SLC30A6: variants seen among roughly 807,000 people sequenced by gnomAD.
SLC30A6 encodes the protein solute carrier family 30 member 6.
A neutral mutation model predicts 63.0 loss-of-function variants in SLC30A6; 55 were observed. The observed-to-expected ratio is 0.87, with a 90% confidence interval of 0.70 to 1.09. SLC30A6 has a LOEUF of 1.09. Among genes scored for constraint, SLC30A6 ranks in the 50% least tolerant of loss-of-function variants. SLC30A6 has a pLI of 0.00. For missense variants in SLC30A6, 587 were observed against 549.2 expected (o/e 1.07, Z -0.69); for synonymous variants, 224 against 186.1 (o/e 1.20, Z -1.66).
At chr2:32,200,153 C>T (rs1684158585) in intron 10 of SLC30A6, among the ~76,000 whole-genome samples, 1 of 151,478 alleles carries the variant, frequency 6.6e-6, no homozygotes, top group Non-Finnish European at 1.5e-5. Context: ...TTATTTGTCC[C>T]CTCTTTCCCA....
intron 13 of SLC30A6, 88 bp from the exon 14 acceptor site, chr2:32,220,124 AC>A (rs1686040039): frequency 2.1e-6 from 3 of 1,432,776 alleles, no homozygotes; most frequent in Non-Finnish European, 2.8e-6. Flanking sequence ...CCAGGAACTT[AC>A]CAAATCATAA....
intron 13 of SLC30A6, among the ~76,000 whole-genome samples, chr2:32,209,948 A>C (rs947376011): frequency 3.3e-5 from 5 of 152,244 alleles, no homozygotes; most frequent in Non-Finnish European, 7.3e-5. Context: ...TTAAAAGTGC[A>C]ATTGCTTTCT....
At chr2:32,198,540 C>G (rs1288662177) in intron 10 of SLC30A6, among the ~76,000 whole-genome samples, 1 of 152,150 alleles carries the variant, frequency 6.6e-6, no homozygotes, top group Admixed American at 6.5e-5. Flanking sequence ...GTCATTTATG[C>G]CAATGCATTC....
chr2:32,183,409 G>A lies in SLC30A6; in HGVS notation c.219-864G>A, dbSNP rs560027705. ...TAAGGATGGCTTTTCGGCCAGGCGC[G>A]GTGGCTCACGCCTGTAATCCCAGCA... On this transcript the variant is annotated intron_variant, in intron 4 of 13. Transcript: ENST00000282587. Among the ~76,000 whole-genome samples the A allele has an allele frequency of 4.6e-5, 7 of 151,954 alleles. No homozygotes were observed. The East Asian group carries it at 7.7e-4, about 17-fold the overall frequency.
chr2:32,215,342 G>A (rs565202964), intron 13 of SLC30A6, among the ~76,000 whole-genome samples: 12 of 151,588 alleles, frequency 7.9e-5, no homozygotes, highest in African/African-American at 2.2e-4. Context: ...CTATAGGCGC[G>A]CACCACCACG....
chr2:32,170,224 CTG>C (rs1219830145), intron 1 of SLC30A6, among the ~76,000 whole-genome samples: 1 of 152,094 alleles, frequency 6.6e-6, no homozygotes, highest in Non-Finnish European at 1.5e-5. Context: ...CTCTATAAAT[CTG>C]TATTTTATTT....
chr2:32,197,317 G>C (rs1326739399), intron 8 of SLC30A6, 27 bp from the exon 9 acceptor site: 2 of 1,586,900 alleles, frequency 1.3e-6, no homozygotes, highest in Admixed American at 1.8e-5. Context: ...CTTCTATATA[G>C]ATAATTTAAG....
Position 32,206,828 on chromosome 2 carries a change from T to C in SLC30A6, c.769-58T>C, listed in dbSNP as rs977126368. ...CTTTTGGGGAGGGGGTTCAGGACCA[T>C]TGTTGGCAAACTTTTTTCCTTCCCC... On this transcript the variant is annotated intron_variant, in intron 11 of 13. Coordinates refer to ENST00000282587, the MANE Select transcript of SLC30A6 (RefSeq NM_017964.5). 17 of 1,392,320 alleles carry C rather than the reference T, an allele frequency of 1.2e-5. No homozygotes were observed. In the Admixed American group the frequency reaches 1.3e-4, roughly 11 times the overall value. The allele number at this position is 1,392,320 out of a possible 1,614,324, so 86.2% of individuals were successfully genotyped here. A position where few individuals can be genotyped will look rare whatever the true frequency, so the allele number is the denominator to read the frequency against.
intron 10 of SLC30A6, 48 bp downstream of exon 10, chr2:32,197,874 T>G (rs746574767): frequency 1.2e-6 from 2 of 1,605,886 alleles, no homozygotes; most frequent in South Asian, 2.2e-5. Flanking sequence ...TCTGGGGACT[T>G]ACTTTTAAGG....
intron 5 of SLC30A6, among the ~76,000 whole-genome samples, chr2:32,187,554 G>A (rs919132358): frequency 6.6e-6 from 1 of 152,086 alleles, no homozygotes; most frequent in African/African-American, 2.4e-5. Flanking sequence ...ATTTGCAATC[G>A]ATCACATAGC....
intron 13 of SLC30A6, among the ~76,000 whole-genome samples, chr2:32,213,304 T>A (rs1282406168): frequency 1.9e-4 from 2 of 10,330 alleles, no homozygotes; most frequent in Admixed American, 1.9e-3. Context: ...ATATGGAGCT[T>A]TTTTTTTTTT....
intron 13 of SLC30A6, among the ~76,000 whole-genome samples, chr2:32,219,076 A>G (rs1338957109): frequency 1.3e-5 from 2 of 151,742 alleles, no homozygotes; most frequent in Non-Finnish European, 2.9e-5. Context: ...TTCTCTTCCC[A>G]TGCTGGGAGT....
intron 10 of SLC30A6, chr2:32,203,580 C>T: frequency 1.9e-6 from 3 of 1,598,958 alleles, no homozygotes; most frequent in Middle Eastern, 2.2e-4. Context: ...CTCTGGAAAG[C>T]CTAGAGGAAA....
At chr2:32,187,280 A>C (rs1024435858) in intron 5 of SLC30A6, 3 of 469,390 alleles carry the variant, frequency 6.4e-6, no homozygotes, top group African/African-American at 6.0e-5. Context: ...ATAATAAATT[A>C]CTACTGTTAA....
chr2:32,200,075 T>C (rs943180131), intron 10 of SLC30A6, among the ~76,000 whole-genome samples: 1 of 151,224 alleles, frequency 6.6e-6, no homozygotes, highest in Non-Finnish European at 1.5e-5. Flanking sequence ...ATGAGACATA[T>C]ATACACACAC....
chr2:32,205,247 T>C (rs752930522), intron 11 of SLC30A6, among the ~76,000 whole-genome samples: 6 of 152,084 alleles, frequency 3.9e-5, no homozygotes, highest in Non-Finnish European at 7.4e-5. Context: ...GGTGAAACCC[T>C]GTCTCTACTA....
At chr2:32,202,466 A>C (rs1202134111) in intron 10 of SLC30A6, 1 of 264,318 alleles carries the variant, frequency 3.8e-6, no homozygotes, top group Admixed American at 5.0e-5. Flanking sequence ...AGTAGCTGGG[A>C]CTACAGGCAC....
chr2:32,220,682 C>T lies in SLC30A6; in HGVS notation c.1355C>T (p.Thr452Ile), dbSNP rs1686090989. The T allele has an allele frequency of 1.9e-6, 3 of 1,613,708 alleles. No individual in the cohort carries two copies. The South Asian group carries it at 3.3e-5, about 18-fold the overall frequency. ...GFTNIPSRYG[T>I]NNRIGQPRP ...ACAAATATACCAAGTAGATATGGAA[C>T]TAATAATAGAATTGGACAACCAAGA... Residue 452 changes from threonine to isoleucine, a missense_variant, in exon 14 of 14, where the codon ACT becomes ATT. Coordinates refer to ENST00000282587, the MANE Select transcript of SLC30A6 (RefSeq NM_017964.5).
At chr2:32,187,013 AAAG>A (rs1321599357) in intron 5 of SLC30A6, 26 of 351,864 alleles carry the variant, frequency 7.4e-5, no homozygotes, top group South Asian at 3.6e-4. Flanking sequence ...AAAAAAAAAA[AAAG>A]AAAGAAAAAG....
Sources: gnomAD v4.1 joint callset for allele counts (sites outside exome capture counted in the v4.1 genomes callset) on GRCh38, gnomAD v4.1.1 for gene constraint, MANE v1.5 for transcripts, NCBI Gene and HGNC (gene_info 2026-07-23, HGNC 2026-07-21) for gene names.